OLFM4: variants seen among roughly 807,000 people sequenced by gnomAD.
OLFM4 encodes olfactomedin-4.
In OLFM4, 22 loss-of-function variants were observed where a neutral mutation model predicts 25.5. That is an observed-to-expected ratio of 0.86 (90% CI 0.62 to 1.23). The LOEUF is 1.23. OLFM4 is among the 50% of genes most tolerant of loss of function. The pLI is 0.00. For synonymous variants in OLFM4, 255 were observed against 237.7 expected, an observed-to-expected ratio of 1.07 and a Z score of -0.67; for missense variants, 594 against 619.4, an observed-to-expected ratio of 0.96 and a Z score of 0.44.
intron 4 of OLFM4, among the ~76,000 whole-genome samples, chr13:53,045,935 G>A (rs1256358818): frequency 6.6e-6 from 1 of 151,958 alleles, no homozygotes. Flanking sequence ...AAATGTGATC[G>A]GGTGCTCAGG....
intron 4 of OLFM4, among the ~76,000 whole-genome samples, chr13:53,046,091 A>G (rs1417524304): frequency 6.6e-6 from 1 of 152,328 alleles, no homozygotes; most frequent in South Asian, 2.1e-4. Flanking sequence ...CATGTTGAAC[A>G]GCATATATCC....
chr13:53,038,116 C>T (rs890062351), intron 2 of OLFM4, among the ~76,000 whole-genome samples: 7 of 152,028 alleles, frequency 4.6e-5, no homozygotes, highest in East Asian at 1.9e-4. Context: ...TGAGGAGCTT[C>T]GAGATAAAGA....
chr13:53,049,779 T>C (rs2298236), intron 4 of OLFM4, among the ~76,000 whole-genome samples, 190 bp from the exon 5 acceptor site: 26,171 of 152,032 alleles, frequency 0.17, 3,120 homozygotes, highest in African/African-American at 0.33. Flanking sequence ...GAGCTGACAT[T>C]GGGTTTGCAT....
intron 1 of OLFM4, among the ~76,000 whole-genome samples, chr13:53,031,170 C>A (rs916199043): frequency 6.6e-6 from 1 of 152,150 alleles, no homozygotes; most frequent in African/African-American, 2.4e-5. Flanking sequence ...TTTTACTTAT[C>A]TCTCCCTGGT....
At chr13:53,034,076 A>AGG (rs796398666) in intron 1 of OLFM4, among the ~76,000 whole-genome samples, 1 of 142,262 alleles carries the variant, frequency 7.0e-6, no homozygotes, top group African/African-American at 2.6e-5. Context: ...AAAAAAAAAA[A>AGG]AAAAAGCCTC....
chr13:53,043,846 C>T (rs1304505335), intron 4 of OLFM4, among the ~76,000 whole-genome samples: 1 of 152,266 alleles, frequency 6.6e-6, no homozygotes, highest in Admixed American at 6.5e-5. Context: ...TGTGTCTTGC[C>T]ATTCCTCATG....
At chr13:53,042,473 A>G (rs528924317) in intron 3 of OLFM4, among the ~76,000 whole-genome samples, 6 of 152,194 alleles carry the variant, frequency 3.9e-5, no homozygotes, top group South Asian at 2.1e-4. Flanking sequence ...ATTTATCCTC[A>G]TGGAACTAGA....
intron 4 of OLFM4, 61 bp downstream of exon 4, chr13:53,043,325 T>C: frequency 1.5e-6 from 2 of 1,324,576 alleles, no homozygotes; most frequent in Non-Finnish European, 2.0e-6. Flanking sequence ...GTGAGTGGGG[T>C]GGGGAAGGGA....
Position 53,051,555 on chromosome 13 carries a change from C to A in OLFM4, c.*784C>A, listed in dbSNP as rs368788243. The stretch of plus-strand genomic sequence containing the variant: ...ACTAACCAATTCCACCCCCCACCAA[C>A]CCCCTTCTACTGCCTACTTTAAAAA... On this transcript the variant is annotated 3_prime_UTR_variant, in exon 5 of 5. Coordinates refer to ENST00000219022, the MANE Select transcript of OLFM4 (RefSeq NM_006418.5). 2.0e-5 allele frequency: 3 copies of A among 152,218 alleles called. No homozygotes were observed. Among genetic ancestry groups the A allele is most frequent in the Admixed American group, 6.5e-5 (1 of 15,272 alleles). 9.4% of individuals were successfully genotyped at this position (152,218 alleles called of 1,614,324 possible).
chr13:53,030,303 GTTGT>G (rs1954622096), intron 1 of OLFM4, among the ~76,000 whole-genome samples: 1 of 152,012 alleles, frequency 6.6e-6, no homozygotes, highest in Admixed American at 6.6e-5. Flanking sequence ...TGTTGTTGTT[GTTGT>G]TTGTTTGTTT....
chr13:53,050,797 G>C lies in OLFM4; in HGVS notation c.*26G>C. The C allele has an allele frequency of 3.3e-6, 5 of 1,531,664 alleles. No individual in the cohort carries two copies. The highest frequency in any genetic ancestry group is 4.4e-6 in the Non-Finnish European group (5 of 1,144,144). The allele number at this position is 1,531,664 out of a possible 1,614,324, so 94.9% of individuals were successfully genotyped here. A position where few individuals can be genotyped will look rare whatever the true frequency, so the allele number is the denominator to read the frequency against. On this transcript the variant is annotated 3_prime_UTR_variant, in exon 5 of 5. Transcript: ENST00000219022. ...GCTGTTTAGGAGTTAGGGTGAAAGA[G>C]AAAATGTTTGTTGAAAAAATAGTCT...
chr13:53,042,241 A>C, intron 3 of OLFM4, 119 bp downstream of exon 3: 46 of 799,790 alleles, frequency 5.8e-5, no homozygotes, highest in Non-Finnish European at 8.0e-5. Context: ...CTACTGTCTC[A>C]TGGCCACATG....
chr13:53,037,087 A>G (rs1263912756), intron 2 of OLFM4, among the ~76,000 whole-genome samples: 1 of 152,138 alleles, frequency 6.6e-6, no homozygotes, highest in Non-Finnish European at 1.5e-5. Context: ...GAAAATTGTC[A>G]TTTATCCGGG....
At chr13:53,040,038 T>C (rs576504221) in intron 2 of OLFM4, among the ~76,000 whole-genome samples, 1 of 152,316 alleles carries the variant, frequency 6.6e-6, no homozygotes, top group Non-Finnish European at 1.5e-5. Context: ...GCACTGTGGA[T>C]CAGCTACTTG....
At chr13:53,048,855 A>G (rs1191057707) in intron 4 of OLFM4, among the ~76,000 whole-genome samples, 2 of 152,218 alleles carry the variant, frequency 1.3e-5, no homozygotes, top group South Asian at 2.1e-4. Context: ...TTGTTATCCA[A>G]TAAACCATCT....
chr13:53,033,903 A>G (rs974516116), intron 1 of OLFM4, among the ~76,000 whole-genome samples: 13 of 119,966 alleles, frequency 1.1e-4, no homozygotes, highest in East Asian at 3.2e-4. Context: ...TACTGAAAAT[A>G]CAAAAAATTA....
rs1954751050 is a variant in OLFM4, at chr13:53,051,910, G to A, written c.*1139G>A. On this transcript the variant is annotated 3_prime_UTR_variant, in exon 5 of 5. Coordinates refer to ENST00000219022, the MANE Select transcript of OLFM4 (RefSeq NM_006418.5). The stretch of plus-strand genomic sequence containing the variant: ...GTAGTTGGAAACCTTGCTGGTGTAT[G>A]TGATGTGCTTCTGTGCTTTTGAATG... The A allele has an allele frequency of 6.6e-6, 1 of 152,140 alleles. No individual in the cohort carries two copies. Among genetic ancestry groups the A allele is most frequent in the South Asian group, 2.1e-4 (1 of 4,824 alleles). 9.4% of individuals were successfully genotyped at this position (152,140 alleles called of 1,614,324 possible). A position where few individuals can be genotyped will look rare whatever the true frequency, so the allele number is the denominator to read the frequency against.
chr13:53,033,979 C>T (rs1210285797), intron 1 of OLFM4, among the ~76,000 whole-genome samples: 1 of 150,740 alleles, frequency 6.6e-6, no homozygotes, highest in Non-Finnish European at 1.5e-5. Flanking sequence ...ATAGAGTAAA[C>T]CCGGGAGCCG....
intron 4 of OLFM4, among the ~76,000 whole-genome samples, chr13:53,044,828 T>C (rs771511247): frequency 1.3e-5 from 2 of 152,206 alleles, no homozygotes; most frequent in Non-Finnish European, 2.9e-5. Flanking sequence ...GAGGACTCAC[T>C]GAGGCAGAGG....
Sources: gnomAD v4.1 joint callset for allele counts (sites outside exome capture counted in the v4.1 genomes callset) on GRCh38, gnomAD v4.1.1 for gene constraint, MANE v1.5 for transcripts, NCBI Gene and HGNC (gene_info 2026-07-23, HGNC 2026-07-21) for gene names.